VSTM2L: variants seen among roughly 807,000 people sequenced by gnomAD.
The protein encoded by VSTM2L is V-set and transmembrane domain containing 2 like.
VSTM2L carries 9 observed loss-of-function variants against 19.9 expected under a neutral mutation model. The observed-to-expected ratio is 0.45, with a 90% CI of 0.27 to 0.79. The LOEUF (loss-of-function observed/expected upper bound fraction) is 0.79, where lower values mean the gene tolerates loss of function less well. Among genes scored for constraint, VSTM2L ranks in the 30% least tolerant of loss-of-function variants. VSTM2L has a pLI of 0.15. For missense variants in VSTM2L, 286 were observed against 295.5 expected (o/e 0.97, Z 0.24); for synonymous variants, 127 against 133.8 (o/e 0.95, Z 0.35).
intron 1 of VSTM2L, among the ~76,000 whole-genome samples, chr20:37,924,757 CAG>C (rs886663659): frequency 1.3e-5 from 2 of 152,078 alleles, no homozygotes; most frequent in East Asian, 3.9e-4. Flanking sequence ...TATCCTCACT[CAG>C]AGTTAGGAGA....
intron 1 of VSTM2L, among the ~76,000 whole-genome samples, chr20:37,921,758 G>A (rs1358743722): frequency 6.6e-6 from 1 of 151,476 alleles, no homozygotes; most frequent in Non-Finnish European, 1.5e-5. Flanking sequence ...GTTTGAAGGA[G>A]TTGAAGATGC....
chr20:37,903,333 C>A lies in VSTM2L; in HGVS notation c.-18C>A, dbSNP rs1020285786. On this transcript the variant is annotated 5_prime_UTR_variant, in exon 1 of 4. Transcript: ENST00000373461. ...GCCCAGATGTGAGGCGGCGGCGCCC[C>A]CGGCCCGAGAGCGCACGATGGGGGC... 8 of 1,435,344 alleles carry A rather than the reference C, an allele frequency of 5.6e-6. No individual in the cohort carries two copies. Among genetic ancestry groups the A allele is most frequent in the Non-Finnish European group, 5.4e-6 (6 of 1,101,860 alleles). 88.9% of individuals were successfully genotyped at this position (1,435,344 alleles called of 1,614,324 possible).
chr20:37,906,282 A>G (rs2072751656), intron 1 of VSTM2L, among the ~76,000 whole-genome samples: 1 of 152,112 alleles, frequency 6.6e-6, no homozygotes, highest in Non-Finnish European at 1.5e-5. Flanking sequence ...AGGTACTTGG[A>G]AGAGGGCTTT....
chr20:37,920,481 A>C (rs1302799345), intron 1 of VSTM2L, among the ~76,000 whole-genome samples: 1 of 152,162 alleles, frequency 6.6e-6, no homozygotes, highest in Non-Finnish European at 1.5e-5. Flanking sequence ...GCCCTGTTTC[A>C]TTCTTGGTTG....
At position 37,944,809 on chromosome 20, in the gene VSTM2L, A is replaced by G. The variant is rs1049627545; in HGVS notation, c.*556A>G. 1.0e-5 allele frequency: 10 copies of G among 986,048 alleles called. No homozygotes were observed. In the African/African-American group the frequency reaches 1.4e-4, roughly 14 times the overall value. 61.1% of individuals were successfully genotyped at this position (986,048 alleles called of 1,614,324 possible). ...TCTGCAGGGTCACTCATGGAGGCCT[A>G]GGGGAACAGCGAGATGCCCCACCAC... On this transcript the variant is annotated 3_prime_UTR_variant, in exon 4 of 4. Coordinates refer to ENST00000373461, the MANE Select transcript of VSTM2L (RefSeq NM_080607.3).
chr20:37,921,832 C>CT (rs1434770605), intron 1 of VSTM2L, among the ~76,000 whole-genome samples: 3 of 121,124 alleles, frequency 2.5e-5, no homozygotes, highest in Admixed American at 8.1e-5. Flanking sequence ...TTCTTTCTTT[C>CT]TTTTCCTTTT....
At chr20:37,933,471 GC>G in intron 2 of VSTM2L, 67 bp from the exon 3 acceptor site, 2 of 1,255,738 alleles carry the variant, frequency 1.6e-6, no homozygotes, top group South Asian at 2.5e-5. Context: ...TCCCCACACT[GC>G]CACCCCACCC....
rs753516492 is a variant in VSTM2L, at chr20:37,933,563, G to T, written c.316G>T (p.Ala106Ser). 4 of 1,610,070 alleles carry T rather than the reference G, an allele frequency of 2.5e-6. No individual in the cohort carries two copies. Among genetic ancestry groups the T allele is most frequent in the South Asian group, 2.2e-5 (2 of 91,002 alleles). Reference protein sequence around the residue: ...NQLKASQQEDAGKEATKISVV... With the variant: ...NQLKASQQEDSGKEATKISVV... ...GCTAAAAGCATCTCAGCAGGAAGACGCAGGGAAGGAGGCAACCAAAATAAG... is the reference window on the plus strand; with the variant it reads ...GCTAAAAGCATCTCAGCAGGAAGACTCAGGGAAGGAGGCAACCAAAATAAG... The change falls in exon 3 of 4, where the codon GCA becomes TCA. Residue 106 changes from alanine to serine, a missense_variant. By Grantham distance (99) the Ala-to-Ser change is moderately conservative (BLOSUM62 1). Coordinates refer to ENST00000373461, the MANE Select transcript of VSTM2L (RefSeq NM_080607.3).
rs1600571667 is a variant in VSTM2L at position 37,931,803 on chromosome 20, A to G, written c.290A>G (p.Gln97Arg). 2 of 1,613,314 alleles carry G rather than the reference A, an allele frequency of 1.2e-6. No homozygotes were observed. The highest frequency in any genetic ancestry group is 4.5e-5 in the East Asian group (2 of 44,870). ...WTDKQAWASN[Q>R]LKASQQEDAG... The stretch of plus-strand genomic sequence containing the variant: ...GACAAGCAGGCGTGGGCCTCGAACC[A>G]GGTAATGCCCCTGGGGAGATGCCCA... Residue 97 changes from glutamine to arginine, a missense_variant and splice_region_variant, in exon 2 of 4, where the codon CAG (glutamine) becomes CGG (arginine). Coordinates refer to ENST00000373461, the MANE Select transcript of VSTM2L (RefSeq NM_080607.3).
chr20:37,942,872 C>A (rs2072980783), intron 3 of VSTM2L, among the ~76,000 whole-genome samples: 2 of 152,190 alleles, frequency 1.3e-5, no homozygotes, highest in African/African-American at 4.8e-5. Flanking sequence ...ATCCTTGCTC[C>A]CCCCAAGTGG....
intron 1 of VSTM2L, among the ~76,000 whole-genome samples, chr20:37,924,842 T>TG (rs1364004840): frequency 6.6e-6 from 1 of 152,140 alleles, no homozygotes; most frequent in African/African-American, 2.4e-5. Flanking sequence ...TCCCCATCTC[T>TG]GGAGGTGTGC....
At chr20:37,929,016 A>C (rs1480175308) in intron 1 of VSTM2L, among the ~76,000 whole-genome samples, 2 of 152,236 alleles carry the variant, frequency 1.3e-5, no homozygotes, top group Non-Finnish European at 2.9e-5. Flanking sequence ...GCTCAGTTAC[A>C]GGACACCCTC....
At chr20:37,940,946 C>T (rs190034563) in intron 3 of VSTM2L, among the ~76,000 whole-genome samples, 3 of 152,304 alleles carry the variant, frequency 2.0e-5, no homozygotes, top group African/African-American at 4.8e-5. Flanking sequence ...CACCAGGCCC[C>T]GCCCTCAACA....
intron 1 of VSTM2L, 105 bp from the exon 2 acceptor site, chr20:37,931,530 T>C (rs2072908751): frequency 4.0e-5 from 23 of 575,250 alleles, no homozygotes; most frequent in Middle Eastern, 3.0e-4. Flanking sequence ...CCTCCACCCA[T>C]CCCCCGCCGT....
chr20:37,934,903 T>C (rs775569984), intron 3 of VSTM2L, among the ~76,000 whole-genome samples: 7 of 152,156 alleles, frequency 4.6e-5, no homozygotes, highest in Non-Finnish European at 8.8e-5. Context: ...GCCATTTTTA[T>C]CCAGCTCAGG....
At chr20:37,931,533 C>CCCCCCTGCAGGG in intron 1 of VSTM2L, 102 bp from the exon 2 acceptor site, 1 of 1,349,992 alleles carries the variant, frequency 7.4e-7, no homozygotes, top group Admixed American at 1.9e-5. Context: ...CCACCCATCC[C>CCCCCCTGCAGGG]CCGCCGTGCA....
intron 1 of VSTM2L, among the ~76,000 whole-genome samples, chr20:37,918,319 A>G (rs1312201615): frequency 1.3e-5 from 2 of 152,190 alleles, no homozygotes; most frequent in East Asian, 3.9e-4. Context: ...GCTGGTGTCC[A>G]CACTTGAGCA....
At chr20:37,925,000 G>A (rs1449073019) in intron 1 of VSTM2L, among the ~76,000 whole-genome samples, 1 of 152,160 alleles carries the variant, frequency 6.6e-6, no homozygotes, top group African/African-American at 2.4e-5. Context: ...TGAATCTTGG[G>A]CAAGTCATTT....
At position 37,945,036 on chromosome 20, in the gene VSTM2L, C is replaced by A. The variant is rs1409852301; in HGVS notation, c.*783C>A. The stretch of plus-strand genomic sequence containing the variant: ...CCAGGAGTCCCCCTCTGCCGGCCCC[C>A]CAATGCCCCAGCTCCCTCTTGGGTC... On this transcript the variant is annotated 3_prime_UTR_variant, in exon 4 of 4. Coordinates refer to ENST00000373461, the MANE Select transcript of VSTM2L (RefSeq NM_080607.3). 3 of 985,754 alleles carry A rather than the reference C, an allele frequency of 3.0e-6. No homozygotes were observed. Among genetic ancestry groups the A allele is most frequent in the Non-Finnish European group, 3.6e-6 (3 of 829,990 alleles). 61.1% of individuals were successfully genotyped at this position (985,754 alleles called of 1,614,324 possible).
Sources: gnomAD v4.1 joint callset for allele counts (sites outside exome capture counted in the v4.1 genomes callset) on GRCh38, gnomAD v4.1.1 for gene constraint, MANE v1.5 for transcripts, NCBI Gene and HGNC (gene_info 2026-07-23, HGNC 2026-07-21) for gene names.